ROR1: variants seen among roughly 807,000 people sequenced by gnomAD.
ROR1 encodes inactive tyrosine-protein kinase transmembrane receptor ROR1.
In ROR1, 19 loss-of-function variants were observed where a neutral mutation model predicts 78.8. That is an observed-to-expected ratio of 0.24 (90% CI 0.17 to 0.35). The LOEUF (loss-of-function observed/expected upper bound fraction) is 0.35, where lower values mean the gene tolerates loss of function less well. ROR1 is among the 10% of genes least tolerant of loss of function. The pLI is 1.00. For missense variants in ROR1, 917 were observed against 1,177.8 expected (o/e 0.78, Z 3.24); for synonymous variants, 386 against 433.6 (o/e 0.89, Z 1.36).
At chr1:63,895,323 C>T (rs1645430931) in intron 1 of ROR1, among the ~76,000 whole-genome samples, 1 of 152,132 alleles carries the variant, frequency 6.6e-6, no homozygotes, top group African/African-American at 2.4e-5. Context: ...CTCTGTTAGA[C>T]AGTGGGATAT....
intron 1 of ROR1, among the ~76,000 whole-genome samples, chr1:63,938,308 T>C (rs1355323917): frequency 6.6e-6 from 1 of 152,220 alleles, no homozygotes; most frequent in South Asian, 2.1e-4. Flanking sequence ...GCATAGGTTA[T>C]ATGCAAATAC....
intron 1 of ROR1, among the ~76,000 whole-genome samples, chr1:63,775,128 G>GTGCT (rs1166831019): frequency 6.6e-6 from 1 of 152,198 alleles, no homozygotes; most frequent in African/African-American, 2.4e-5. Context: ...TGTGCAAAAT[G>GTGCT]TGCTGTCAGA....
chr1:64,010,816 C>G (rs953343322), intron 2 of ROR1, among the ~76,000 whole-genome samples: 6 of 152,092 alleles, frequency 3.9e-5, no homozygotes, highest in Middle Eastern at 3.2e-3. Context: ...GGGCTTCCTC[C>G]TTCGCTGGGC....
At chr1:64,126,095 A>G (rs1648705661) in intron 4 of ROR1, among the ~76,000 whole-genome samples, 1 of 152,206 alleles carries the variant, frequency 6.6e-6, no homozygotes, top group African/African-American at 2.4e-5. Flanking sequence ...ATAAGACTGA[A>G]CCGAAACTGG....
rs372899517 is a variant in ROR1, at chr1:64,029,405, C to G, written c.163+20029C>G. Among the ~76,000 whole-genome samples, 10 of 152,308 alleles carry G rather than the reference C, an allele frequency of 6.6e-5. 1 individual carries two copies. Among genetic ancestry groups the G allele is most frequent in the African/African-American group, 1.2e-4 (5 of 41,578 alleles). On this transcript the variant is annotated intron_variant, in intron 2 of 8. Coordinates refer to ENST00000371079, the MANE Select transcript of ROR1 (RefSeq NM_005012.4). ...CCATTGGTCAATATACCCTCTGACT[C>G]TCTTCCTTGGTCTTTACCCATTGAT...
At chr1:64,149,634 G>A (rs970196154) in intron 7 of ROR1, among the ~76,000 whole-genome samples, 5 of 152,144 alleles carry the variant, frequency 3.3e-5, no homozygotes, top group African/African-American at 1.2e-4. Context: ...CTTTCTGGAA[G>A]CCCCATGTCT....
chr1:63,895,656 G>A (rs1645433425), intron 1 of ROR1, among the ~76,000 whole-genome samples: 1 of 152,110 alleles, frequency 6.6e-6, no homozygotes, highest in Admixed American at 6.6e-5. Context: ...GAATTTTGAG[G>A]TGCTCTGTCA....
At chr1:64,115,080 TC>T (rs1387622200) in intron 4 of ROR1, among the ~76,000 whole-genome samples, 1 of 152,096 alleles carries the variant, frequency 6.6e-6, no homozygotes, top group East Asian at 1.9e-4. Context: ...TCCCCCTACC[TC>T]AGCCTCCCGA....
intron 1 of ROR1, among the ~76,000 whole-genome samples, chr1:63,839,345 CATCT>C (rs36224861): frequency 0.32 from 47,178 of 146,894 alleles, 7,633 homozygotes; most frequent in East Asian, 0.38. Context: ...GTCTCCATAT[CATCT>C]ATCTATCTAT....
At chr1:63,842,258 T>C (rs1222074235) in intron 1 of ROR1, among the ~76,000 whole-genome samples, 1 of 109,294 alleles carries the variant, frequency 9.1e-6, no homozygotes, top group East Asian at 2.1e-4. Context: ...TGAACTTGCC[T>C]GCCACAGTTC....
At chr1:64,053,992 C>A (rs1161516207) in intron 4 of ROR1, among the ~76,000 whole-genome samples, 1 of 142,866 alleles carries the variant, frequency 7.0e-6, no homozygotes, top group East Asian at 1.9e-4. Flanking sequence ...GGCTCTATCA[C>A]CCAGGCTGGA....
At chr1:64,073,277 G>A (rs774226998) in intron 4 of ROR1, among the ~76,000 whole-genome samples, 3 of 152,098 alleles carry the variant, frequency 2.0e-5, no homozygotes, top group Non-Finnish European at 4.4e-5. Flanking sequence ...CCTCATTCTT[G>A]CCCAATCAGT....
chr1:64,024,053 T>A (rs1006566851), intron 2 of ROR1, among the ~76,000 whole-genome samples: 1 of 152,174 alleles, frequency 6.6e-6, no homozygotes, highest in African/African-American at 2.4e-5. Flanking sequence ...TGCTTGCTTC[T>A]CCTTCACCTT....
chr1:64,124,114 G>A (rs1296943826), intron 4 of ROR1, among the ~76,000 whole-genome samples: 1 of 152,104 alleles, frequency 6.6e-6, no homozygotes, highest in Non-Finnish European at 1.5e-5. Flanking sequence ...GTGTTTATAT[G>A]TATGTGTACA....
At chr1:63,863,069 T>G (rs1483316959) in intron 1 of ROR1, among the ~76,000 whole-genome samples, 3 of 152,212 alleles carry the variant, frequency 2.0e-5, no homozygotes, top group Non-Finnish European at 4.4e-5. Flanking sequence ...AGGGTAGAGG[T>G]AGGGCAAAAG....
At chr1:63,931,924 AATTGT>A (rs913378001) in intron 1 of ROR1, among the ~76,000 whole-genome samples, 13 of 152,214 alleles carry the variant, frequency 8.5e-5, no homozygotes, top group African/African-American at 2.9e-4. Flanking sequence ...TATAGGGGAA[AATTGT>A]ATATATAGGG....
chr1:63,777,840 C>A (rs986989946), intron 1 of ROR1, among the ~76,000 whole-genome samples: 4 of 152,158 alleles, frequency 2.6e-5, no homozygotes, highest in African/African-American at 9.7e-5. Flanking sequence ...GTACAGATAG[C>A]ATATGTATAT....
At chr1:64,030,557 A>G (rs1646652049) in intron 2 of ROR1, among the ~76,000 whole-genome samples, 1 of 152,224 alleles carries the variant, frequency 6.6e-6, no homozygotes, top group African/African-American at 2.4e-5. Context: ...TCCGTCACTC[A>G]TTCCTTCATG....
intron 1 of ROR1, among the ~76,000 whole-genome samples, chr1:63,899,903 G>A (rs964110590): frequency 6.6e-6 from 1 of 151,708 alleles, no homozygotes; most frequent in African/African-American, 2.4e-5. Context: ...GTTACAGAAG[G>A]GAAAAATGAC....
Sources: allele counts gnomAD v4.1 joint callset (sites outside exome capture counted in the v4.1 genomes callset), GRCh38; gene constraint gnomAD v4.1.1; transcripts MANE v1.5; gene names NCBI Gene and HGNC (gene_info 2026-07-23, HGNC 2026-07-21).